ARL6IP1: variants seen among roughly 807,000 people sequenced by gnomAD.
ARL6IP1 encodes ARL6 interacting reticulophagy regulator 1.
Under a neutral mutation model 30.1 loss-of-function variants are expected in ARL6IP1, and 16 were observed. That is an observed-to-expected ratio of 0.53 (90% CI 0.36 to 0.81). The LOEUF (loss-of-function observed/expected upper bound fraction) is 0.81, where lower values mean the gene tolerates loss of function less well. Ranked by LOEUF, ARL6IP1 falls within the 30% of genes least tolerant of loss-of-function variation. ARL6IP1 has a pLI of 0.01. For missense variants in ARL6IP1, 173 were observed against 242.7 expected (o/e 0.71, Z 1.91); for synonymous variants, 72 against 84.8 (o/e 0.85, Z 0.83).
intron 2 of ARL6IP1, chr16:18,798,332 C>T (rs763770278): frequency 1.9e-4 from 62 of 321,272 alleles, no homozygotes; most frequent in Middle Eastern, 8.7e-4. Context: ...GGAGAAATAC[C>T]TAATGTAGAT....
intron 1 of ARL6IP1, chr16:18,801,204 G>A: frequency 7.1e-7 from 1 of 1,412,090 alleles, no homozygotes; most frequent in Non-Finnish European, 9.2e-7. Context: ...CCTACTCGCG[G>A]TGATGAATCA....
chr16:18,795,226 T>G (rs1020471053), intron 4 of ARL6IP1: 2 of 373,822 alleles, frequency 5.4e-6, no homozygotes, highest in South Asian at 6.5e-5. Flanking sequence ...TCTTTTACTA[T>G]TATTTCAGTA....
chr16:18,798,012 GACAGA>G lies in ARL6IP1; in HGVS notation c.198_202del (p.Leu67ArgfsTer13), dbSNP rs760485988. On this transcript the variant is annotated frameshift_variant, in exon 3 of 6. Coordinates refer to ENST00000304414, the MANE Select transcript of ARL6IP1 (RefSeq NM_015161.3). LOFTEE classifies it high-confidence loss of function. ...AAACATAACAAAACAGGAAACGCCGGACAGAACAGATGGATCTAGATAGTAGATAA... is the reference window on the plus strand; with the variant it reads ...AAACATAACAAAACAGGAAACGCCGGACAGATGGATCTAGATAGTAGATAA... 2 of 1,613,374 alleles carry G rather than the reference GACAGA, an allele frequency of 1.2e-6. No individual in the cohort carries two copies. Among genetic ancestry groups the G allele is most frequent in the Non-Finnish European group, 1.7e-6 (2 of 1,179,724 alleles).
At chr16:18,799,753 C>T (rs1429704901) in intron 1 of ARL6IP1, among the ~76,000 whole-genome samples, 1 of 152,198 alleles carries the variant, frequency 6.6e-6, no homozygotes, top group African/African-American at 2.4e-5. Context: ...CTCCTCAATA[C>T]AGTGTTTCTT....
At position 18,792,225 on chromosome 16, in the gene ARL6IP1, A is replaced by G. The variant is rs2030089662; in HGVS notation, c.*1027T>C. On this transcript the variant is annotated 3_prime_UTR_variant, in exon 6 of 6. Coordinates refer to ENST00000304414, the MANE Select transcript of ARL6IP1 (RefSeq NM_015161.3). ...TATTTTTCAGGGAGAAATCTCTAGGAAAAAAGTCAGACACCAGTGTAGTCA... is the reference window on the plus strand; with the variant it reads ...TATTTTTCAGGGAGAAATCTCTAGGGAAAAAGTCAGACACCAGTGTAGTCA... The G allele has an allele frequency of 6.6e-6, 1 of 152,224 alleles. No homozygotes were observed. Among genetic ancestry groups the G allele is most frequent in the Non-Finnish European group, 1.5e-5 (1 of 68,042 alleles). 9.4% of individuals were successfully genotyped at this position (152,224 alleles called of 1,614,324 possible).
chr16:18,795,435 C>G lies in ARL6IP1; in HGVS notation c.408+29G>C, dbSNP rs536452151. 1.0e-5 allele frequency: 15 copies of G among 1,497,336 alleles called. No individual in the cohort carries two copies. In the South Asian group the frequency reaches 1.7e-4, roughly 17 times the overall value. The allele number at this position is 1,497,336 out of a possible 1,614,324, so 92.8% of individuals were successfully genotyped here. A position where few individuals can be genotyped will look rare whatever the true frequency, so the allele number is the denominator to read the frequency against. Reference sequence around the variant, plus strand: ...AATTGACTCAAATCTTAAAATTTTACTGTACTTAAGTCAAAGCAAAAAAAG... The same window carrying G: ...AATTGACTCAAATCTTAAAATTTTAGTGTACTTAAGTCAAAGCAAAAAAAG... On this transcript the variant is annotated intron_variant, in intron 4 of 5. Transcript: ENST00000304414.
chr16:18,793,952 G>A (rs2030151499), intron 5 of ARL6IP1, among the ~76,000 whole-genome samples: 1 of 150,188 alleles, frequency 6.7e-6, no homozygotes. Context: ...GACCTCAGGT[G>A]ATCAGAGGTT....
intron 3 of ARL6IP1, among the ~76,000 whole-genome samples, 196 bp from the exon 4 acceptor site, chr16:18,795,777 CTATG>C (rs2030212089): frequency 6.6e-6 from 1 of 151,414 alleles, no homozygotes; most frequent in South Asian, 2.1e-4. Context: ...TTTACATAAA[CTATG>C]TGTGTGAGAG....
intron 5 of ARL6IP1, 36 bp from the exon 6 acceptor site, chr16:18,793,406 G>T: frequency 1.7e-6 from 2 of 1,157,712 alleles, no homozygotes; most frequent in Non-Finnish European, 1.3e-6. Context: ...TAAGGAGGCA[G>T]CAATTAACCT....
intron 3 of ARL6IP1, among the ~76,000 whole-genome samples, chr16:18,797,392 A>G (rs988196020): frequency 6.6e-6 from 1 of 151,860 alleles, no homozygotes; most frequent in Non-Finnish European, 1.5e-5. Context: ...AAAAAAAAAA[A>G]AAAAAAAGAG....
intron 4 of ARL6IP1, 187 bp downstream of exon 4, chr16:18,795,277 A>C (rs2030196631): frequency 2.2e-6 from 1 of 461,370 alleles, no homozygotes; most frequent in African/African-American, 2.0e-5. Flanking sequence ...TTAGAATAAA[A>C]AATTAAATGC....
At chr16:18,793,969 T>C (rs1205730040) in intron 5 of ARL6IP1, among the ~76,000 whole-genome samples, 1 of 150,626 alleles carries the variant, frequency 6.6e-6, no homozygotes, top group Non-Finnish European at 1.5e-5. Context: ...GGTTATTACG[T>C]GTGTATGGCG....
chr16:18,800,258 T>G (rs1454535621), intron 1 of ARL6IP1, among the ~76,000 whole-genome samples: 3 of 152,198 alleles, frequency 2.0e-5, no homozygotes, highest in African/African-American at 4.8e-5. Flanking sequence ...AAAAAGGTGT[T>G]ATTACTGTCC....
chr16:18,799,882 A>C (rs2030355820), intron 1 of ARL6IP1, among the ~76,000 whole-genome samples: 1 of 152,212 alleles, frequency 6.6e-6, no homozygotes, highest in African/African-American at 2.4e-5. Context: ...TGGTAAAGGA[A>C]GAAAAATTTA....
At position 18,792,931 on chromosome 16, in the gene ARL6IP1, G is replaced by T. The variant is rs190378018; in HGVS notation, c.*321C>A. The T allele has an allele frequency of 2.8e-3, 502 of 179,178 alleles. 12 individuals carry two copies. The highest frequency in any genetic ancestry group is 1.6e-3 in the Non-Finnish European group (140 of 85,772). 11.1% of individuals were successfully genotyped at this position (179,178 alleles called of 1,614,324 possible). A position where few individuals can be genotyped will look rare whatever the true frequency, so the allele number is the denominator to read the frequency against. ...GATGAACAATTATCCAGATTCACTT[G>T]AACTGTACTAAAGGGCAAGGTTCAC... On this transcript the variant is annotated 3_prime_UTR_variant, in exon 6 of 6. Coordinates refer to ENST00000304414, the MANE Select transcript of ARL6IP1 (RefSeq NM_015161.3).
At chr16:18,799,085 T>C (rs1230119060) in intron 1 of ARL6IP1, among the ~76,000 whole-genome samples, 2 of 151,958 alleles carry the variant, frequency 1.3e-5, no homozygotes, top group Non-Finnish European at 2.9e-5. Context: ...AGTGGGGAGA[T>C]CTCGGCTCAC....
chr16:18,801,383 G>T, intron 1 of ARL6IP1, 48 bp downstream of exon 1: 1 of 1,607,592 alleles, frequency 6.2e-7, no homozygotes, highest in African/African-American at 1.3e-5. Context: ...GCCCACGGAC[G>T]TCTGGAGGCC....
Position 18,798,757 on chromosome 16 carries a change from T to C in ARL6IP1, c.114A>G (p.Arg38=). 6.2e-7 allele frequency: 1 copy of C among 1,614,174 alleles called. No homozygotes were observed. Among genetic ancestry groups the C allele is most frequent in the Non-Finnish European group, 8.5e-7 (1 of 1,180,022 alleles). The change falls in exon 2 of 6, where the codon CGA becomes CGG. Residue 38 remains arginine, a synonymous_variant. Coordinates refer to ENST00000304414, the MANE Select transcript of ARL6IP1 (RefSeq NM_015161.3). The stretch of plus-strand genomic sequence containing the variant: ...CAGGTGGAAACCAGGCTCTTTCCCA[T>C]CGGAGGACTTTATCAGCCATCAGCA... ...EVMLMADKVL[R]WERAWFPPAI...
chr16:18,801,165 C>T, intron 1 of ARL6IP1: 2 of 1,384,734 alleles, frequency 1.4e-6, no homozygotes, highest in African/African-American at 2.9e-5. Flanking sequence ...AGTGTCGCAG[C>T]CCCTCTGCCT....
Sources: allele counts gnomAD v4.1 joint callset (sites outside exome capture counted in the v4.1 genomes callset), GRCh38; gene constraint gnomAD v4.1.1; transcripts MANE v1.5; gene names NCBI Gene and HGNC (gene_info 2026-07-23, HGNC 2026-07-21).